The following PKIB variants were observed in gnomAD, a reference collection of about 807,000 sequenced individuals.
PKIB encodes cAMP-dependent protein kinase inhibitor beta.
In PKIB, 2 loss-of-function variants were observed where a neutral mutation model predicts 4.5. The observed-to-expected ratio is 0.44, with a 90% CI of 0.18 to 1.39. The LOEUF is 1.39. PKIB is among the 40% of genes most tolerant of loss of function. The pLI is 0.27. For synonymous variants in PKIB, 38 were observed against 36.0 expected, an observed-to-expected ratio of 1.06 and a Z score of -0.20; for missense variants, 94 against 92.6, an observed-to-expected ratio of 1.02 and a Z score of -0.06.
intron 2 of PKIB, among the ~76,000 whole-genome samples, chr6:122,526,536 A>G (rs1777096291): frequency 6.6e-6 from 1 of 152,142 alleles, no homozygotes; most frequent in South Asian, 2.1e-4. Context: ...TCCCCATAAA[A>G]GCTCTTAGAT....
At chr6:122,479,041 GC>G (rs949345854) in intron 2 of PKIB, 1 of 152,234 alleles carries the variant, frequency 6.6e-6, no homozygotes, top group Non-Finnish European at 1.5e-5. Context: ...GTGAGGTGAT[GC>G]CCCACCCTGC....
intron 3 of PKIB, among the ~76,000 whole-genome samples, chr6:122,683,983 G>C (rs969082518): frequency 6.6e-6 from 1 of 152,192 alleles, no homozygotes; most frequent in Non-Finnish European, 1.5e-5. Context: ...ACCAATAGGT[G>C]ATTGGAAAAA....
chr6:122,662,172 T>C (rs891284502), intron 2 of PKIB, among the ~76,000 whole-genome samples: 1 of 152,080 alleles, frequency 6.6e-6, no homozygotes, highest in Non-Finnish European at 1.5e-5. Context: ...TGGTGTCATT[T>C]GGTGCACAAA....
rs73549350 is a variant in PKIB, at chr6:122,568,643, G to A, written c.-247-17278G>A. 2.4e-3 allele frequency among the ~76,000 whole-genome samples: 363 copies of A among 152,294 alleles called. 1 individual carries two copies. Among genetic ancestry groups the A allele is most frequent in the African/African-American group, 8.4e-3 (350 of 41,560 alleles). ...GGGGCCCTCAAAGAAGTCAGCCAGTGAGCTCAGGAAGTGGGTTGCAGGTGA... is the reference window on the plus strand; with the variant it reads ...GGGGCCCTCAAAGAAGTCAGCCAGTAAGCTCAGGAAGTGGGTTGCAGGTGA... On this transcript the variant is annotated intron_variant, in intron 2 of 6. Transcript: ENST00000392491.
intron 3 of PKIB, among the ~76,000 whole-genome samples, chr6:122,689,960 A>T (rs969244630): frequency 6.6e-6 from 1 of 152,072 alleles, no homozygotes; most frequent in Non-Finnish European, 1.5e-5. Context: ...TATATATTTA[A>T]AATTGTTATA....
At chr6:122,616,616 T>C (rs1775000892) in intron 1 of PKIB, among the ~76,000 whole-genome samples, 2 of 152,082 alleles carry the variant, frequency 1.3e-5, no homozygotes, top group African/African-American at 2.4e-5. Context: ...TGCTTTCCAA[T>C]AAAGGGGATT....
intron 1 of PKIB, among the ~76,000 whole-genome samples, chr6:122,624,859 CAAGGTGTCTACT>C (rs1193717865): frequency 6.6e-6 from 1 of 152,156 alleles, no homozygotes; most frequent in Non-Finnish European, 1.5e-5. Context: ...GACTAAAATG[CAAGGTGTCTACT>C]AAGGTTCATG....
At position 122,682,157 on chromosome 6, in the gene PKIB, A is replaced by G. The variant is rs137922992; in HGVS notation, c.-9+7013A>G. 3.1e-4 allele frequency among the ~76,000 whole-genome samples: 47 copies of G among 152,128 alleles called. No homozygotes were observed. In the East Asian group the frequency reaches 6.4e-3, roughly 21 times the overall value. ...ACTAACTTTTTTTTTTTTAGCTCGA[A>G]TAGTCTATAATTCTAAATGGAAGAA... On this transcript the variant is annotated intron_variant, in intron 3 of 4. Coordinates refer to ENST00000368452, the MANE Select transcript of PKIB (RefSeq NM_181795.3).
rs922927394 is a variant in PKIB at position 122,654,966 on chromosome 6, A to AT, written c.-75-20106dup. Among the ~76,000 whole-genome samples the AT allele has an allele frequency of 2.6e-5, 4 of 151,900 alleles. No individual in the cohort carries two copies. In the South Asian group the frequency reaches 6.2e-4, roughly 24 times the overall value. ...CCTGCATTTCAGTTAATATTCAGAGATTTTTTGTTTGTTTGTTCATTTGTT... is the reference window on the plus strand; with the variant it reads ...CCTGCATTTCAGTTAATATTCAGAGATTTTTTTGTTTGTTTGTTCATTTGTT... On this transcript the variant is annotated intron_variant, in intron 2 of 4. Coordinates refer to ENST00000368452, the MANE Select transcript of PKIB (RefSeq NM_181795.3).
At chr6:122,670,039 T>G (rs772523123) in intron 2 of PKIB, among the ~76,000 whole-genome samples, 3 of 151,522 alleles carry the variant, frequency 2.0e-5, no homozygotes, top group Non-Finnish European at 4.4e-5. Flanking sequence ...TCTAGTTGCT[T>G]TGTCATCTCC....
At chr6:122,710,300 C>T (rs1459435536) in intron 3 of PKIB, among the ~76,000 whole-genome samples, 3 of 152,092 alleles carry the variant, frequency 2.0e-5, no homozygotes, top group African/African-American at 7.2e-5. Flanking sequence ...CTTTTTAGGC[C>T]TTGCATGTAA....
intron 2 of PKIB, among the ~76,000 whole-genome samples, chr6:122,552,527 C>T (rs1256752941): frequency 6.6e-6 from 1 of 152,052 alleles, no homozygotes; most frequent in African/African-American, 2.4e-5. Context: ...CAGGTGTGTG[C>T]CACCATGCCC....
intron 1 of PKIB, among the ~76,000 whole-genome samples, chr6:122,627,307 G>T (rs1775494387): frequency 6.6e-6 from 1 of 151,194 alleles, no homozygotes; most frequent in Admixed American, 6.6e-5. Context: ...TTTAGTCCTA[G>T]CACTCTGCTC....
At chr6:122,642,446 C>T (rs550410430) in intron 2 of PKIB, among the ~76,000 whole-genome samples, 7 of 152,304 alleles carry the variant, frequency 4.6e-5, no homozygotes, top group Non-Finnish European at 8.8e-5. Context: ...AGAGACACCT[C>T]GTTAGAAAAA....
intron 1 of PKIB, among the ~76,000 whole-genome samples, chr6:122,617,557 A>G (rs1775046239): frequency 6.6e-6 from 1 of 152,186 alleles, no homozygotes. Context: ...GTTTTTACTC[A>G]TAGATATTTA....
At chr6:122,591,088 C>T (rs1005760820) in intron 3 of PKIB, among the ~76,000 whole-genome samples, 2 of 151,614 alleles carry the variant, frequency 1.3e-5, no homozygotes, top group African/African-American at 2.4e-5. Context: ...TATAGTTTAT[C>T]CACCTATTAA....
chr6:122,526,320 C>A (rs1314264646), intron 2 of PKIB, among the ~76,000 whole-genome samples: 7 of 152,148 alleles, frequency 4.6e-5, no homozygotes, highest in Non-Finnish European at 8.8e-5. Context: ...TTCTTAATAG[C>A]ATCTAGACTG....
intron 2 of PKIB, among the ~76,000 whole-genome samples, chr6:122,561,541 A>G (rs1582699251): frequency 6.7e-6 from 1 of 149,260 alleles, no homozygotes; most frequent in South Asian, 2.2e-4. Flanking sequence ...GTTGCTGTCT[A>G]TCTCATTTCT....
At chr6:122,617,424 T>A (rs1167185747) in intron 1 of PKIB, among the ~76,000 whole-genome samples, 1 of 152,178 alleles carries the variant, frequency 6.6e-6, no homozygotes, top group Non-Finnish European at 1.5e-5. Flanking sequence ...AAGCTTCAAG[T>A]AAAACCCAGC....
Sources: allele counts gnomAD v4.1 joint callset (sites outside exome capture counted in the v4.1 genomes callset), GRCh38; gene constraint gnomAD v4.1.1; transcripts MANE v1.5; gene names NCBI Gene and HGNC (gene_info 2026-07-23, HGNC 2026-07-21).